ZGRF1: variants seen among roughly 807,000 people sequenced by gnomAD.
ZGRF1 encodes 5'-3' DNA helicase ZGRF1.
A neutral mutation model predicts 203.5 loss-of-function variants in ZGRF1; 196 were observed. The ratio of observed to expected loss-of-function variants is 0.96; its 90% CI spans 0.86 to 1.08. The LOEUF is 1.08. ZGRF1 is among the 50% of genes least tolerant of loss of function. The pLI is 0.00. For synonymous variants in ZGRF1, 809 were observed against 841.3 expected (o/e 0.96, Z 0.66); for missense variants, 2,326 against 2,416.3 (o/e 0.96, Z 0.78).
intron 10 of ZGRF1, among the ~76,000 whole-genome samples, chr4:112,592,390 G>T (rs764973506): frequency 6.6e-6 from 1 of 152,056 alleles, no homozygotes; most frequent in Non-Finnish European, 1.5e-5. Flanking sequence ...CAGCCACCAC[G>T]CCAGGCCTCA....
At chr4:112,625,314 C>G (rs1002382041) in intron 3 of ZGRF1, among the ~76,000 whole-genome samples, 5 of 151,372 alleles carry the variant, frequency 3.3e-5, no homozygotes, top group Admixed American at 3.3e-4. Context: ...TCGCCAGGCG[C>G]GGTGGCTCAA....
At chr4:112,555,277 T>C (rs1740728505) in intron 20 of ZGRF1, among the ~76,000 whole-genome samples, 1 of 152,200 alleles carries the variant, frequency 6.6e-6, no homozygotes, top group African/African-American at 2.4e-5. Context: ...TTCCTCTACA[T>C]ACATTATCCC....
chr4:112,612,088 C>A (rs528090610), intron 7 of ZGRF1, among the ~76,000 whole-genome samples: 119 of 152,148 alleles, frequency 7.8e-4, no homozygotes, highest in Non-Finnish European at 9.6e-4. Context: ...GCCTCAGCCT[C>A]CCAAGTAGCT....
rs148546080 is a variant in ZGRF1 at position 112,539,704 on chromosome 4, C to G, written c.6173-15G>C. 1 of 1,585,528 alleles carries G rather than the reference C, an allele frequency of 6.3e-7. No homozygotes were observed. On this transcript the variant is annotated splice_polypyrimidine_tract_variant and intron_variant, in intron 27 of 27. Transcript: ENST00000505019. ...ATCTTCCCTTCCTTAAAAAAACATACGACATGAGACAACTATTCTTTATTT... is the reference window on the plus strand; with the variant it reads ...ATCTTCCCTTCCTTAAAAAAACATAGGACATGAGACAACTATTCTTTATTT...
rs1391573913 is a variant in ZGRF1 at position 112,603,660 on chromosome 4, G to A, written c.2840C>T (p.Ala947Val). The change falls in exon 10 of 28, where the codon GCT becomes GTT. Residue 947 changes from alanine to valine, a missense_variant. Physicochemically the swap from Ala to Val is moderately conservative, Grantham distance 64. Coordinates refer to ENST00000505019, the MANE Select transcript of ZGRF1 (RefSeq NM_018392.5). The part of the protein sequence containing the change: ...EFQGHQVKGS[A>V]TSGVMVRGHS... ...TCCTCTGACCATTACACCACTAGTAGCTGATCCTTTTACTTGATGTCCTTG... is the reference window on the plus strand; with the variant it reads ...TCCTCTGACCATTACACCACTAGTAACTGATCCTTTTACTTGATGTCCTTG... 1 of 1,613,754 alleles carries A rather than the reference G, an allele frequency of 6.2e-7. No individual in the cohort carries two copies. The highest frequency in any genetic ancestry group is 1.3e-5 in the African/African-American group (1 of 74,928).
chr4:112,550,198 A>G (rs1739666772), intron 22 of ZGRF1, among the ~76,000 whole-genome samples: 1 of 152,034 alleles, frequency 6.6e-6, no homozygotes, highest in African/African-American at 2.4e-5. Context: ...TCTCAAAAAA[A>G]AAACAACAAA....
intron 16 of ZGRF1, among the ~76,000 whole-genome samples, chr4:112,580,990 G>A (rs1746136875): frequency 1.3e-5 from 2 of 152,068 alleles, no homozygotes; most frequent in Admixed American, 6.6e-5. Flanking sequence ...TATGTTTATT[G>A]CAGCACTATT....
rs1341023818 is a variant in ZGRF1 at position 112,636,873 on chromosome 4, C to G, written c.-89G>C. On this transcript the variant is annotated 5_prime_UTR_variant, in exon 1 of 28. Transcript: ENST00000505019. ...CACCTGTCAAATTGCACAAAATCCA[C>G]TTTCGAATTTCTCCCGCGAAACAAC... 1 of 152,266 alleles carries G rather than the reference C, an allele frequency of 6.6e-6. No homozygotes were observed. The highest frequency in any genetic ancestry group is 1.5e-5 in the Non-Finnish European group (1 of 68,078). The allele number at this position is 152,266 out of a possible 1,614,324, so 9.4% of individuals were successfully genotyped here. A position where few individuals can be genotyped will look rare whatever the true frequency, so the allele number is the denominator to read the frequency against.
chr4:112,633,096 T>C, intron 2 of ZGRF1, 60 bp downstream of exon 2: 1 of 1,491,326 alleles, frequency 6.7e-7, no homozygotes, highest in Non-Finnish European at 9.3e-7. Context: ...TGAAACGCCT[T>C]TAAAAGAAAG....
chr4:112,629,881 T>C (rs1010242993), intron 3 of ZGRF1: 1 of 265,532 alleles, frequency 3.8e-6, no homozygotes, highest in Non-Finnish European at 7.6e-6. Context: ...TAGCCAGGCA[T>C]GGTGGTGGGC....
chr4:112,632,234 G>A (rs1037167330), intron 2 of ZGRF1, among the ~76,000 whole-genome samples: 1 of 152,014 alleles, frequency 6.6e-6, no homozygotes, highest in Non-Finnish European at 1.5e-5. Flanking sequence ...GGAAGGGAGA[G>A]AGAGAAGGAG....
At chr4:112,585,782 TCA>T (rs1379047668) in intron 13 of ZGRF1, 57 bp from the exon 14 acceptor site, 4 of 1,327,414 alleles carry the variant, frequency 3.0e-6, no homozygotes, top group Non-Finnish European at 4.1e-6. Flanking sequence ...TTTGTTTGTA[TCA>T]CATATGTGCT....
In ZGRF1 at chr4:112,553,948, A is replaced by G. The variant is rs774503447; in HGVS notation, c.5233T>C (p.Leu1745=). The change falls in exon 22 of 28, where the codon TTA becomes CTA. Residue 1745 remains leucine (L), a synonymous_variant. Transcript: ENST00000505019. ...HAGSENESEQ[L]KELHALMKED... is the part of the protein sequence containing the mutation. ...TTCATTAGTGCATGTAGTTCTTTTA[A>G]CTGTTCACTTTCATTTTCTGAGCCA... 2 of 1,611,030 alleles carry G rather than the reference A, an allele frequency of 1.2e-6. No homozygotes were observed. The highest frequency in any genetic ancestry group is 2.7e-5 in the African/African-American group (2 of 74,758).
intron 20 of ZGRF1, among the ~76,000 whole-genome samples, chr4:112,556,024 C>T (rs1392949730): frequency 6.6e-6 from 1 of 151,512 alleles, no homozygotes; most frequent in East Asian, 1.9e-4. Flanking sequence ...ATCTAAAGTT[C>T]CTTCCTGTGT....
chr4:112,551,973 C>A lies in ZGRF1; in HGVS notation c.5346+1862G>T, dbSNP rs943421554. 2.6e-5 allele frequency among the ~76,000 whole-genome samples: 4 copies of A among 152,036 alleles called. No homozygotes were observed. In the South Asian group the frequency reaches 8.3e-4, roughly 32 times the overall value. On this transcript the variant is annotated intron_variant, in intron 22 of 27. Transcript: ENST00000505019. ...AAATTAGTTTTATTGTGAAGACATG[C>A]CACTTTAGAAATGAGTCAGGTCTTC...
chr4:112,576,426 G>A (rs1745233833), intron 16 of ZGRF1, among the ~76,000 whole-genome samples: 1 of 152,198 alleles, frequency 6.6e-6, no homozygotes, highest in Non-Finnish European at 1.5e-5. Context: ...AAGCTGGACA[G>A]AGAATGACTT....
chr4:112,558,957 C>T (rs1053217857), intron 19 of ZGRF1, among the ~76,000 whole-genome samples: 3 of 152,142 alleles, frequency 2.0e-5, no homozygotes, highest in African/African-American at 7.2e-5. Flanking sequence ...ACTAAGACTT[C>T]CAGAATAAGA....
At chr4:112,586,707 G>A (rs1463627887) in intron 12 of ZGRF1, 124 bp from the exon 13 acceptor site, 1 of 743,556 alleles carries the variant, frequency 1.3e-6, no homozygotes, top group Non-Finnish European at 1.9e-6. Flanking sequence ...TAGGATCCTT[G>A]AAAATTACTT....
chr4:112,567,998 T>C (rs1318686231), intron 16 of ZGRF1, among the ~76,000 whole-genome samples: 2 of 151,962 alleles, frequency 1.3e-5, no homozygotes, highest in Admixed American at 6.6e-5. Flanking sequence ...TGGAAAAATA[T>C]AATTGATAAA....
Sources: allele counts gnomAD v4.1 joint callset (sites outside exome capture counted in the v4.1 genomes callset), GRCh38; gene constraint gnomAD v4.1.1; transcripts MANE v1.5; gene names NCBI Gene and HGNC (gene_info 2026-07-23, HGNC 2026-07-21).